Variants in NSMCE2 observed in about 807,000 individuals in gnomAD.
NSMCE2 encodes NSE2 SUMO ligase component of SMC5/6 complex.
A neutral mutation model predicts 23.8 loss-of-function variants in NSMCE2; 24 were observed. That is an observed-to-expected ratio of 1.01 (90% confidence interval 0.73 to 1.42). The LOEUF (loss-of-function observed/expected upper bound fraction) is 1.42, where lower values mean the gene tolerates loss of function less well. Ranked by LOEUF, NSMCE2 falls within the 40% of genes most tolerant of loss-of-function variation. The pLI is 0.00. For missense variants in NSMCE2, 284 were observed against 296.5 expected, an observed-to-expected ratio of 0.96 and a Z score of 0.31; for synonymous variants, 92 against 94.1, an observed-to-expected ratio of 0.98 and a Z score of 0.13.
At chr8:125,187,064 T>G (rs928998245) in intron 5 of NSMCE2, among the ~76,000 whole-genome samples, 9 of 152,212 alleles carry the variant, frequency 5.9e-5, no homozygotes, top group Non-Finnish European at 1.0e-4. Flanking sequence ...AATGAGATAC[T>G]GACTCTGCTA....
At chr8:125,303,905 A>G (rs1417335295) in intron 5 of NSMCE2, among the ~76,000 whole-genome samples, 1 of 152,206 alleles carries the variant, frequency 6.6e-6, no homozygotes, top group African/African-American at 2.4e-5. Context: ...GATGCATGTC[A>G]CCTACTTCTT....
chr8:125,355,197 A>G (rs900470834), intron 5 of NSMCE2, among the ~76,000 whole-genome samples: 18 of 152,348 alleles, frequency 1.2e-4, no homozygotes, highest in Admixed American at 7.2e-4. Context: ...GTGATGGCCC[A>G]CAGTCATCAG....
At chr8:125,129,529 G>A (rs1180918741) in intron 3 of NSMCE2, among the ~76,000 whole-genome samples, 2 of 146,938 alleles carry the variant, frequency 1.4e-5, no homozygotes, top group East Asian at 3.9e-4. Flanking sequence ...GATAGTGTTA[G>A]GAAAAGATTT....
At chr8:125,131,481 T>C (rs753330650) in intron 3 of NSMCE2, among the ~76,000 whole-genome samples, 37 of 152,236 alleles carry the variant, frequency 2.4e-4, no homozygotes, top group South Asian at 4.1e-4. Context: ...ATGAGGCAGA[T>C]CTCAAATATA....
chr8:125,334,785 T>C (rs1259725998), intron 5 of NSMCE2, among the ~76,000 whole-genome samples: 4 of 132,374 alleles, frequency 3.0e-5, no homozygotes, highest in African/African-American at 8.6e-5. Flanking sequence ...TTTTTTTTTT[T>C]TTTTTTTTTT....
At chr8:125,320,120 G>A (rs1829366336) in intron 5 of NSMCE2, among the ~76,000 whole-genome samples, 1 of 146,982 alleles carries the variant, frequency 6.8e-6, no homozygotes, top group Non-Finnish European at 1.5e-5. Context: ...AGGTTTCAAT[G>A]AGCCGAGATC....
intron 5 of NSMCE2, among the ~76,000 whole-genome samples, chr8:125,195,013 A>G (rs1375733115): frequency 6.6e-6 from 1 of 152,172 alleles, no homozygotes; most frequent in African/African-American, 2.4e-5. Flanking sequence ...TACCAGTAGC[A>G]TGAGCATCAC....
intron 5 of NSMCE2, among the ~76,000 whole-genome samples, chr8:125,328,862 A>G (rs963259530): frequency 9.2e-5 from 14 of 152,076 alleles, no homozygotes; most frequent in Non-Finnish European, 1.6e-4. Flanking sequence ...ATTAGTCCCA[A>G]CCCTCTCAGA....
At chr8:125,357,105 A>T in intron 5 of NSMCE2, 114 bp from the exon 6 acceptor site, 1 of 674,294 alleles carries the variant, frequency 1.5e-6, no homozygotes, top group Non-Finnish European at 2.6e-6. Context: ...CAGTCCTTAC[A>T]TGGGGGCCAA....
At chr8:125,188,024 G>A (rs368990113) in intron 5 of NSMCE2, among the ~76,000 whole-genome samples, 1 of 152,242 alleles carries the variant, frequency 6.6e-6, no homozygotes, top group East Asian at 1.9e-4. Flanking sequence ...GAATGACAAT[G>A]ATATTTGTAT....
intron 5 of NSMCE2, among the ~76,000 whole-genome samples, chr8:125,310,225 A>G (rs1165568868): frequency 2.6e-5 from 4 of 152,224 alleles, no homozygotes; most frequent in African/African-American, 7.2e-5. Flanking sequence ...TAAGGAAAAT[A>G]CATAACTCAG....
At chr8:125,352,783 A>G (rs891557391) in intron 5 of NSMCE2, among the ~76,000 whole-genome samples, 2 of 152,228 alleles carry the variant, frequency 1.3e-5, no homozygotes, top group Admixed American at 6.5e-5. Context: ...CTAAATCAGT[A>G]TAAGTGATAT....
intron 5 of NSMCE2, among the ~76,000 whole-genome samples, chr8:125,349,940 G>A (rs1812963474): frequency 6.6e-6 from 1 of 152,214 alleles, no homozygotes; most frequent in African/African-American, 2.4e-5. Flanking sequence ...AATCATCATT[G>A]TGTGAGGATG....
chr8:125,258,781 G>A (rs572941272), intron 5 of NSMCE2, among the ~76,000 whole-genome samples: 2 of 152,148 alleles, frequency 1.3e-5, no homozygotes, highest in Non-Finnish European at 2.9e-5. Context: ...TTATTTAGTC[G>A]CCAGAGGTTA....
chr8:125,098,801 G>T (rs1818053432), intron 1 of NSMCE2, among the ~76,000 whole-genome samples: 1 of 151,988 alleles, frequency 6.6e-6, no homozygotes, highest in African/African-American at 2.4e-5. Context: ...TTGGGGGAGG[G>T]GTAGGGTGGG....
chr8:125,228,616 A>T (rs989256720), intron 5 of NSMCE2, among the ~76,000 whole-genome samples: 6 of 152,186 alleles, frequency 3.9e-5, no homozygotes, highest in African/African-American at 1.4e-4. Flanking sequence ...AGTATAGTAC[A>T]TTCAGAGCCA....
At chr8:125,357,662 G>A in intron 6 of NSMCE2, 50 bp from the exon 7 acceptor site, 2 of 1,365,912 alleles carry the variant, frequency 1.5e-6, no homozygotes, top group South Asian at 1.2e-5. Flanking sequence ...AACAGCTACT[G>A]GAAGTTGATC....
intron 5 of NSMCE2, among the ~76,000 whole-genome samples, chr8:125,242,106 G>T (rs558220107): frequency 2.6e-5 from 4 of 151,930 alleles, no homozygotes; most frequent in Non-Finnish European, 5.9e-5. Flanking sequence ...ACAATAACTG[G>T]GGGGGGAGTT....
intron 3 of NSMCE2, among the ~76,000 whole-genome samples, chr8:125,146,692 A>C (rs1468724950): frequency 6.6e-6 from 1 of 152,176 alleles, no homozygotes; most frequent in Non-Finnish European, 1.5e-5. Flanking sequence ...TGGGAATTGA[A>C]CAATGAGAAC....
Sources: allele counts gnomAD v4.1 joint callset (sites outside exome capture counted in the v4.1 genomes callset), GRCh38; gene constraint gnomAD v4.1.1; transcripts MANE v1.5; gene names NCBI Gene and HGNC (gene_info 2026-07-23, HGNC 2026-07-21).